KHDRBS3: variants seen among roughly 807,000 people sequenced by gnomAD.
The protein encoded by KHDRBS3 is KH RNA binding domain containing, signal transduction associated 3.
A neutral mutation model predicts 45.6 loss-of-function variants in KHDRBS3; 23 were observed. That is an observed-to-expected ratio of 0.50 (90% CI 0.36 to 0.72). The LOEUF is 0.72. KHDRBS3 is among the 30% of genes least tolerant of loss of function. The pLI, the probability that KHDRBS3 is intolerant of heterozygous loss-of-function variation, is 0.00. For missense variants in KHDRBS3, 352 were observed against 424.8 expected (o/e 0.83, Z 1.51); for synonymous variants, 162 against 156.5 (o/e 1.04, Z -0.26).
chr8:135,526,690 G>A (rs1432337120), intron 2 of KHDRBS3, among the ~76,000 whole-genome samples: 1 of 152,144 alleles, frequency 6.6e-6, no homozygotes, highest in Non-Finnish European at 1.5e-5. Context: ...ACTACTGTTT[G>A]TGAAACTCCA....
In KHDRBS3 at chr8:135,473,197, G is replaced by T. The variant is rs943098375; in HGVS notation, c.88+15243G>T. Among the ~76,000 whole-genome samples, 4 of 152,212 alleles carry T rather than the reference G, an allele frequency of 2.6e-5. No homozygotes were observed. In the East Asian group the frequency reaches 7.8e-4, roughly 30 times the overall value. ...CAGCAAGTGTGGTGGAGTAGCTGGG[G>T]TGTCACAGGCTCCTCCGTCCGGAAA... On this transcript the variant is annotated intron_variant, in intron 1 of 8. Coordinates refer to ENST00000355849, the MANE Select transcript of KHDRBS3 (RefSeq NM_006558.3).
At chr8:135,507,912 C>T (rs774894962) in intron 1 of KHDRBS3, among the ~76,000 whole-genome samples, 1 of 152,080 alleles carries the variant, frequency 6.6e-6, no homozygotes, top group Non-Finnish European at 1.5e-5. Context: ...TATATTTCTG[C>T]TGTAATTGTG....
At chr8:135,486,758 G>A (rs1822884775) in intron 1 of KHDRBS3, among the ~76,000 whole-genome samples, 1 of 152,174 alleles carries the variant, frequency 6.6e-6, no homozygotes, top group Non-Finnish European at 1.5e-5. Context: ...ATTCCTTGGT[G>A]TTGTGTACAT....
chr8:135,464,780 A>T (rs1396556761), intron 1 of KHDRBS3, among the ~76,000 whole-genome samples: 1 of 152,232 alleles, frequency 6.6e-6, no homozygotes, highest in Non-Finnish European at 1.5e-5. Context: ...TATAGATGAG[A>T]AAACCGAGGT....
intron 1 of KHDRBS3, among the ~76,000 whole-genome samples, chr8:135,474,870 G>A (rs1209348793): frequency 2.6e-5 from 4 of 152,080 alleles, no homozygotes; most frequent in Non-Finnish European, 4.4e-5. Flanking sequence ...TCATGTTACG[G>A]TGTGGGCGCT....
intron 1 of KHDRBS3, among the ~76,000 whole-genome samples, chr8:135,499,161 G>A (rs1823605751): frequency 6.6e-6 from 1 of 152,120 alleles, no homozygotes; most frequent in Non-Finnish European, 1.5e-5. Flanking sequence ...GGTATTTTCA[G>A]TGTCTTTTTT....
chr8:135,611,666 C>G (rs1449076332), intron 7 of KHDRBS3, among the ~76,000 whole-genome samples: 4 of 151,792 alleles, frequency 2.6e-5, no homozygotes, highest in Non-Finnish European at 4.4e-5. Context: ...TTGAAGGACA[C>G]CAGTCAGATT....
downstream of KHDRBS3, among the ~76,000 whole-genome samples, chr8:135,650,111 A>G (rs1009866392): frequency 2.0e-5 from 3 of 152,118 alleles, no homozygotes; most frequent in South Asian, 2.1e-4. Context: ...ATTTTCTCAT[A>G]TGGCAGCATA....
intron 5 of KHDRBS3, among the ~76,000 whole-genome samples, chr8:135,564,794 TTTTA>T (rs1483958174): frequency 1.3e-5 from 2 of 152,192 alleles, no homozygotes; most frequent in East Asian, 3.8e-4. Flanking sequence ...TTTAATAGTT[TTTTA>T]TTTGTCTGCT....
intron 1 of KHDRBS3, among the ~76,000 whole-genome samples, chr8:135,494,414 G>A (rs968577484): frequency 6.6e-6 from 1 of 151,080 alleles, no homozygotes; most frequent in African/African-American, 2.4e-5. Flanking sequence ...GAGTAGCTGG[G>A]GCTACAGGCG....
In KHDRBS3 at chr8:135,641,489, T is replaced by C. The variant is rs112888899; in HGVS notation, c.891-3570T>C. Among the ~76,000 whole-genome samples the C allele has an allele frequency of 4.3e-3, 649 of 152,356 alleles. 11 individuals are homozygous for C. The highest frequency in any genetic ancestry group is 0.014 in the African/African-American group (590 of 41,580). ...GCCATTATGATGTAACTTCTGACCC[T>C]TGGAAAGAAGACTGAGGTTCATTTA... On this transcript the variant is annotated intron_variant, in intron 7 of 8. Transcript: ENST00000355849.
intron 5 of KHDRBS3, among the ~76,000 whole-genome samples, chr8:135,566,780 C>T (rs2130869014): frequency 6.6e-6 from 1 of 152,184 alleles, no homozygotes; most frequent in East Asian, 1.9e-4. Flanking sequence ...GTGGGAGGAT[C>T]GCTTGAGCCC....
intron 8 of KHDRBS3, 38 bp downstream of exon 8, chr8:135,645,155 G>A (rs1299695506): frequency 6.2e-7 from 1 of 1,603,614 alleles, no homozygotes; most frequent in Admixed American, 1.7e-5. Flanking sequence ...AGAGGGAGGA[G>A]AGATGGCCGT....
chr8:135,620,301 A>G (rs1830085365), intron 7 of KHDRBS3, among the ~76,000 whole-genome samples: 1 of 152,016 alleles, frequency 6.6e-6, no homozygotes, highest in Admixed American at 6.6e-5. Context: ...GAGTTTTGCC[A>G]TGTTGCCCAA....
intron 7 of KHDRBS3, among the ~76,000 whole-genome samples, chr8:135,609,717 C>T (rs926430684): frequency 2.6e-5 from 4 of 151,862 alleles, no homozygotes; most frequent in South Asian, 2.1e-4. Flanking sequence ...GATATCTTAG[C>T]GCCACCGCTG....
At chr8:135,639,390 G>T (rs1420816365) in intron 7 of KHDRBS3, among the ~76,000 whole-genome samples, 1 of 152,122 alleles carries the variant, frequency 6.6e-6, no homozygotes, top group Non-Finnish European at 1.5e-5. Context: ...AAGTTGAGAG[G>T]CCTGCGTATT....
chr8:135,504,906 A>C (rs1823912975), intron 1 of KHDRBS3, among the ~76,000 whole-genome samples: 1 of 152,106 alleles, frequency 6.6e-6, no homozygotes. Flanking sequence ...ATAGTAGGGG[A>C]GGAGTGGGTA....
At chr8:135,522,689 A>C (rs776433157) in intron 2 of KHDRBS3, among the ~76,000 whole-genome samples, 2 of 152,160 alleles carry the variant, frequency 1.3e-5, no homozygotes, top group Admixed American at 1.3e-4. Flanking sequence ...CTTATTGGCT[A>C]TTCATGTATT....
chr8:135,489,328 C>G (rs1823024363), intron 1 of KHDRBS3, among the ~76,000 whole-genome samples: 1 of 152,098 alleles, frequency 6.6e-6, no homozygotes, highest in Non-Finnish European at 1.5e-5. Context: ...TAATGTGTGT[C>G]TGGCCTAGAC....
Sources: gnomAD v4.1 joint callset for allele counts (sites outside exome capture counted in the v4.1 genomes callset) on GRCh38, gnomAD v4.1.1 for gene constraint, MANE v1.5 for transcripts, NCBI Gene and HGNC (gene_info 2026-07-23, HGNC 2026-07-21) for gene names.